Variants in VRK2 observed in about 807,000 individuals in gnomAD.
VRK2 encodes the protein serine/threonine-protein kinase VRK2.
VRK2 carries 60 observed loss-of-function variants against 57.6 expected under a neutral mutation model. The observed-to-expected ratio is 1.04, with a 90% confidence interval of 0.85 to 1.29. The LOEUF (loss-of-function observed/expected upper bound fraction) is 1.29. Among genes scored for constraint, VRK2 ranks in the 50% most tolerant of loss-of-function variants. The pLI, the probability that VRK2 is intolerant of heterozygous loss-of-function variation, is 0.00. For synonymous variants in VRK2, 231 were observed against 199.2 expected (o/e 1.16, Z -1.35); for missense variants, 705 against 588.1 (o/e 1.20, Z -2.06).
intron 1 of VRK2, among the ~76,000 whole-genome samples, chr2:57,932,254 G>A (rs1323284575): frequency 6.6e-6 from 1 of 151,944 alleles, no homozygotes; most frequent in Non-Finnish European, 1.5e-5. Context: ...CAATTTTTTG[G>A]AAGAGTTTGA....
intron 7 of VRK2, among the ~76,000 whole-genome samples, chr2:58,091,285 G>T (rs954813771): frequency 6.6e-6 from 1 of 152,274 alleles, no homozygotes; most frequent in South Asian, 2.1e-4. Flanking sequence ...GATGTTGATA[G>T]CGGAGAGACT....
intron 7 of VRK2, among the ~76,000 whole-genome samples, chr2:58,094,664 C>T (rs929859886): frequency 6.6e-6 from 1 of 151,996 alleles, no homozygotes; most frequent in Non-Finnish European, 1.5e-5. Flanking sequence ...AAACTTAAAG[C>T]TCTCTTATTC....
chr2:57,951,532 T>C (rs887684318), intron 1 of VRK2, among the ~76,000 whole-genome samples: 1 of 152,190 alleles, frequency 6.6e-6, no homozygotes, highest in Non-Finnish European at 1.5e-5. Flanking sequence ...TAAAATGCTA[T>C]CAAACTGCTT....
chr2:57,987,620 G>A (rs938312815), intron 1 of VRK2, among the ~76,000 whole-genome samples: 6 of 151,954 alleles, frequency 3.9e-5, no homozygotes, highest in South Asian at 2.1e-4. Context: ...AAACATACAC[G>A]AACCATATGA....
intron 1 of VRK2, among the ~76,000 whole-genome samples, chr2:57,931,686 A>G (rs967425849): frequency 6.6e-6 from 1 of 152,094 alleles, no homozygotes; most frequent in African/African-American, 2.4e-5. Flanking sequence ...AAAAATTATC[A>G]CCAAGATCGA....
chr2:57,930,867 T>A (rs1360800745), intron 1 of VRK2, among the ~76,000 whole-genome samples: 6 of 152,214 alleles, frequency 3.9e-5, no homozygotes, highest in Non-Finnish European at 7.3e-5. Flanking sequence ...GTCTGGCTTA[T>A]TTCACTTAAT....
chr2:57,943,305 A>G (rs1671156762), intron 1 of VRK2, among the ~76,000 whole-genome samples: 2 of 152,228 alleles, frequency 1.3e-5, no homozygotes, highest in Non-Finnish European at 2.9e-5. Context: ...GAACTTCATT[A>G]CTTGCCAATT....
At chr2:57,921,153 A>C (rs1572861830) in intron 1 of VRK2, among the ~76,000 whole-genome samples, 1 of 152,188 alleles carries the variant, frequency 6.6e-6, no homozygotes, top group East Asian at 1.9e-4. Flanking sequence ...GATGGCCTAC[A>C]TCAGAATCAT....
rs778852734 is a variant in VRK2 at position 58,084,118 on chromosome 2, G to A, written c.166G>A (p.Ala56Thr). 6.2e-7 allele frequency: 1 copy of A among 1,606,372 alleles called. No individual in the cohort carries two copies. Among genetic ancestry groups the A allele is most frequent in the Admixed American group, 1.7e-5 (1 of 59,464 alleles). ...CCCCACAAATAAACCAGAGAAAGATGCAAGACATGTAGTAAAAGTGGTAAG... is the reference window on the plus strand; with the variant it reads ...CCCCACAAATAAACCAGAGAAAGATACAAGACATGTAGTAAAAGTGGTAAG... ...AFPTNKPEKD[A>T]RHVVKVEYQE... Residue 56 changes from alanine (A) to threonine (T), a missense_variant, in exon 3 of 13, where the codon GCA (alanine) becomes ACA (threonine). Ala to Thr is a moderately conservative substitution (Grantham distance 58). Transcript: ENST00000340157.
chr2:58,048,955 T>A lies in VRK2; in HGVS notation c.124T>A (p.Leu42Met), dbSNP rs377567348. 3 of 1,612,770 alleles carry A rather than the reference T, an allele frequency of 1.9e-6. No individual in the cohort carries two copies. In the East Asian group the frequency reaches 6.7e-5, roughly 36 times the overall value. Residue 42 changes from leucine (L) to methionine (M), a missense_variant, in exon 2 of 13, where the codon TTG becomes ATG. Leu to Met is a conservative substitution (Grantham distance 15). Coordinates refer to ENST00000340157, the MANE Select transcript of VRK2 (RefSeq NM_006296.7). The part of the protein sequence containing the change: ...GKKIGSGGFG[L>M]IYLAFPTNKP... Reference sequence around the variant, plus strand: ...GAAGATTGGCTCTGGAGGATTTGGATTGATATATTTAGGTAAAGTAAAACC... The same window carrying A: ...GAAGATTGGCTCTGGAGGATTTGGAATGATATATTTAGGTAAAGTAAAACC...
intron 1 of VRK2, among the ~76,000 whole-genome samples, chr2:57,924,182 C>T (rs1670457495): frequency 6.6e-6 from 1 of 151,944 alleles, no homozygotes; most frequent in South Asian, 2.1e-4. Flanking sequence ...GTTCTTTTTG[C>T]TTAGGATAGC....
At chr2:58,069,540 G>A (rs886940545) in intron 2 of VRK2, among the ~76,000 whole-genome samples, 13 of 151,962 alleles carry the variant, frequency 8.6e-5, no homozygotes, top group South Asian at 4.2e-4. Context: ...CTGTGTCTGC[G>A]GAAAATGGCA....
intron 1 of VRK2, among the ~76,000 whole-genome samples, chr2:58,018,327 T>A (rs1673648555): frequency 6.6e-6 from 1 of 152,214 alleles, no homozygotes; most frequent in African/African-American, 2.4e-5. Context: ...GTTTTAGAAC[T>A]ATTAAATTTG....
Position 57,971,537 on chromosome 2 carries a change from A to T in VRK2, c.-438-54128A>T, listed in dbSNP as rs144823432. Among the ~76,000 whole-genome samples the T allele has an allele frequency of 5.0e-3, 764 of 152,048 alleles. 4 individuals carry two copies. Among genetic ancestry groups the T allele is most frequent in the African/African-American group, 0.018 (730 of 41,532 alleles). ...AAGGATAAGATGTCTCAGGACTGCTAACTTTTTTCCACACAGTCTTAATTT... is the reference window on the plus strand; with the variant it reads ...AAGGATAAGATGTCTCAGGACTGCTTACTTTTTTCCACACAGTCTTAATTT... On this transcript the variant is annotated intron_variant, in intron 1 of 15. Coordinates refer to the VRK2 transcript ENST00000417641.
chr2:57,962,317 AT>A (rs1347593097), intron 1 of VRK2, among the ~76,000 whole-genome samples: 1 of 152,132 alleles, frequency 6.6e-6, no homozygotes, highest in East Asian at 1.9e-4. Flanking sequence ...GCTAGGAACT[AT>A]GATCAACCTC....
upstream of VRK2, among the ~76,000 whole-genome samples, chr2:58,045,546 T>C (rs1197840605): frequency 6.6e-6 from 1 of 152,248 alleles, no homozygotes; most frequent in Admixed American, 6.5e-5. Context: ...GAAAGGACAC[T>C]GTTGGACCAG....
At chr2:58,038,256 T>G (rs1056999914) in intron 3 of VRK2, among the ~76,000 whole-genome samples, 2 of 152,118 alleles carry the variant, frequency 1.3e-5, no homozygotes, top group African/African-American at 4.8e-5. Context: ...GGTTTTATAA[T>G]TGGAGGTTTC....
At chr2:57,915,544 G>C (rs1199158562) in intron 1 of VRK2, among the ~76,000 whole-genome samples, 1 of 152,148 alleles carries the variant, frequency 6.6e-6, no homozygotes, top group Non-Finnish European at 1.5e-5. Context: ...GCAGCTGAAA[G>C]ATTTCCACTG....
chr2:58,132,201 G>T lies in VRK2; in HGVS notation c.797+273G>T, dbSNP rs1679308490. Among the ~76,000 whole-genome samples, 3 of 152,164 alleles carry T rather than the reference G, an allele frequency of 2.0e-5. No individual in the cohort carries two copies. In the South Asian group the frequency reaches 6.2e-4, roughly 32 times the overall value. On this transcript the variant is annotated intron_variant, in intron 9 of 12. Coordinates refer to ENST00000340157, the MANE Select transcript of VRK2 (RefSeq NM_006296.7). ...TGGTATTTCCAAAGCTTAGATTCTAGGTGGTAGTGTTTTCAAGGAAGAATA... is the reference window on the plus strand; with the variant it reads ...TGGTATTTCCAAAGCTTAGATTCTATGTGGTAGTGTTTTCAAGGAAGAATA...
Sources: gnomAD v4.1 joint callset for allele counts (sites outside exome capture counted in the v4.1 genomes callset) on GRCh38, gnomAD v4.1.1 for gene constraint, MANE v1.5 for transcripts, NCBI Gene and HGNC (gene_info 2026-07-23, HGNC 2026-07-21) for gene names.